The following CCDC171 variants were observed in gnomAD, a reference collection of about 807,000 sequenced individuals.
The protein encoded by CCDC171 is coiled-coil domain containing 171.
In CCDC171, 177 loss-of-function variants were observed where a neutral mutation model predicts 168.2. That is an observed-to-expected ratio of 1.05 (90% confidence interval 0.93 to 1.19). The LOEUF (loss-of-function observed/expected upper bound fraction) is 1.19, where lower values mean the gene tolerates loss of function less well. CCDC171 is among the 50% of genes most tolerant of loss of function. CCDC171 has a pLI of 0.00. For missense variants in CCDC171, 1,991 were observed against 1,539.0 expected (o/e 1.29, Z -4.91); for synonymous variants, 687 against 540.8 (o/e 1.27, Z -3.75).
At chr9:15,914,785 C>G (rs1824258509) in intron 24 of CCDC171, among the ~76,000 whole-genome samples, 2 of 152,004 alleles carry the variant, frequency 1.3e-5, no homozygotes, top group African/African-American at 4.8e-5. Flanking sequence ...ATGTAGGTAC[C>G]CAAGGGAATC....
At chr9:15,631,505 G>C (rs2045694694) in intron 7 of CCDC171, among the ~76,000 whole-genome samples, 1 of 152,126 alleles carries the variant, frequency 6.6e-6, no homozygotes, top group Non-Finnish European at 1.5e-5. Context: ...ACCAATAACA[G>C]GCTCTGAAAT....
the CCDC171 span, among the ~76,000 whole-genome samples, chr9:16,084,978 A>G: frequency 2.2e-4 from 33 of 152,350 alleles, no homozygotes; most frequent in Admixed American, 2.2e-3. Context: ...TGAAAATCAT[A>G]ACACCTAAAA....
At chr9:16,089,487 C>G in the CCDC171 span, among the ~76,000 whole-genome samples, 1 of 151,308 alleles carries the variant, frequency 6.6e-6, no homozygotes, top group Non-Finnish European at 1.5e-5. Flanking sequence ...CCTAGGTTTT[C>G]TTCTAGAGTT....
At chr9:15,874,993 C>A in intron 24 of CCDC171, 1 of 164,574 alleles carries the variant, frequency 6.1e-6, no homozygotes, top group Non-Finnish European at 1.3e-5. Context: ...AAGCAAGTCT[C>A]AATTTGTTGC....
chr9:15,970,323 CAT>C (rs1831223625), intron 25 of CCDC171, among the ~76,000 whole-genome samples: 1 of 151,974 alleles, frequency 6.6e-6, no homozygotes, highest in Non-Finnish European at 1.5e-5. Context: ...TTTTGTATAA[CAT>C]GACATAATAA....
the CCDC171 span, among the ~76,000 whole-genome samples, chr9:16,106,892 T>C: frequency 2.0e-5 from 3 of 152,140 alleles, no homozygotes; most frequent in East Asian, 1.9e-4. Context: ...GGTTCAGGAC[T>C]TCTATACCAT....
At chr9:15,905,498 G>C (rs1475367994) in intron 24 of CCDC171, among the ~76,000 whole-genome samples, 1 of 152,084 alleles carries the variant, frequency 6.6e-6, no homozygotes, top group East Asian at 1.9e-4. Flanking sequence ...CAACATACCA[G>C]AATCTCTGGG....
chr9:16,098,692 C>T, the CCDC171 span, among the ~76,000 whole-genome samples: 1 of 152,204 alleles, frequency 6.6e-6, no homozygotes, highest in Admixed American at 6.5e-5. Context: ...TTTTTGCCAC[C>T]TTGAATTGCT....
At chr9:15,556,271 G>A (rs183102163) in intron 1 of CCDC171, among the ~76,000 whole-genome samples, 36 of 152,224 alleles carry the variant, frequency 2.4e-4, no homozygotes, top group African/African-American at 8.4e-4. Context: ...GGGATGGCTG[G>A]GTCAAATGGT....
intron 14 of CCDC171, among the ~76,000 whole-genome samples, chr9:15,725,674 T>C (rs1181858884): frequency 6.6e-6 from 1 of 152,170 alleles, no homozygotes; most frequent in Non-Finnish European, 1.5e-5. Flanking sequence ...GGTCTCGAAC[T>C]CCTGACCTCA....
chr9:15,897,439 A>G (rs1821059896), intron 24 of CCDC171, among the ~76,000 whole-genome samples: 1 of 152,112 alleles, frequency 6.6e-6, no homozygotes, highest in African/African-American at 2.4e-5. Context: ...GTTATATGGC[A>G]TGCTTTGATA....
At chr9:15,752,196 A>G (rs1450733520) in intron 18 of CCDC171, among the ~76,000 whole-genome samples, 1 of 152,220 alleles carries the variant, frequency 6.6e-6, no homozygotes, top group African/African-American at 2.4e-5. Context: ...AATCAAAACC[A>G]CAACGAGTTA....
At chr9:15,852,430 T>G (rs1588852664) in intron 23 of CCDC171, among the ~76,000 whole-genome samples, 1 of 151,778 alleles carries the variant, frequency 6.6e-6, no homozygotes. Flanking sequence ...TTGGGTTGAT[T>G]GTCTTTTTGT....
chr9:16,030,970 G>A (rs1456147471), intron 6 of CCDC171, among the ~76,000 whole-genome samples: 2 of 152,158 alleles, frequency 1.3e-5, no homozygotes, highest in Non-Finnish European at 2.9e-5. Context: ...GCGTTCAGGG[G>A]CACAAGAATA....
intron 6 of CCDC171, among the ~76,000 whole-genome samples, chr9:16,024,750 A>C (rs962068823): frequency 6.6e-6 from 1 of 152,240 alleles, no homozygotes; most frequent in Non-Finnish European, 1.5e-5. Flanking sequence ...GTAGCCATGC[A>C]TCATGGATAC....
chr9:16,043,459 T>C (rs746673801), intron 1 of CCDC171, among the ~76,000 whole-genome samples: 9 of 152,200 alleles, frequency 5.9e-5, no homozygotes, highest in Non-Finnish European at 1.0e-4. Context: ...TACTGAAACA[T>C]GTAGAACCAG....
chr9:15,585,988 C>T (rs976844069), intron 4 of CCDC171, among the ~76,000 whole-genome samples: 4 of 151,890 alleles, frequency 2.6e-5, no homozygotes, highest in East Asian at 1.9e-4. Flanking sequence ...AAAAACAAAA[C>T]GAAAAACTCC....
chr9:15,599,628 T>C (rs2042669806), intron 6 of CCDC171, among the ~76,000 whole-genome samples: 1 of 152,178 alleles, frequency 6.6e-6, no homozygotes, highest in Non-Finnish European at 1.5e-5. Flanking sequence ...TTATGTGTCT[T>C]GGAGTTGCTC....
At chr9:15,587,985 G>A (rs200280423) in intron 4 of CCDC171, among the ~76,000 whole-genome samples, 3 of 152,006 alleles carry the variant, frequency 2.0e-5, no homozygotes, top group East Asian at 1.9e-4. Flanking sequence ...GCCTGTAATC[G>A]CAGCACTTTG....
Sources: gnomAD v4.1 joint callset for allele counts (sites outside exome capture counted in the v4.1 genomes callset) on GRCh38, gnomAD v4.1.1 for gene constraint, MANE v1.5 for transcripts, NCBI Gene and HGNC (gene_info 2026-07-23, HGNC 2026-07-21) for gene names.